MGMT: variants seen among roughly 807,000 people sequenced by gnomAD.
MGMT encodes methylated-DNA--protein-cysteine methyltransferase.
MGMT carries 14 observed loss-of-function variants against 15.9 expected under a neutral mutation model. The observed-to-expected ratio is 0.88, with a 90% CI of 0.58 to 1.37. The LOEUF (loss-of-function observed/expected upper bound fraction) is 1.37. Among genes scored for constraint, MGMT ranks in the 40% most tolerant of loss-of-function variants. MGMT has a pLI of 0.00. For synonymous variants in MGMT, 130 were observed against 118.2 expected (o/e 1.10, Z -0.65); for missense variants, 282 against 268.1 (o/e 1.05, Z -0.36).
intron 2 of MGMT, among the ~76,000 whole-genome samples, chr10:129,598,081 A>G (rs527993859): frequency 1.3e-5 from 2 of 152,212 alleles, no homozygotes; most frequent in African/African-American, 2.4e-5. Flanking sequence ...CACGTATTCA[A>G]TGTTTAGTGT....
In MGMT at chr10:129,770,874, G is replaced by A. The variant is rs148951132; in HGVS notation, c.*3877G>A. 0.017 allele frequency among the ~76,000 whole-genome samples: 767 copies of A among 46,382 alleles called. 6 individuals carry two copies. Among genetic ancestry groups the A allele is most frequent in the African/African-American group, 0.086 (669 of 7,786 alleles). 30.4% of individuals were successfully genotyped at this position (46,382 alleles called of 152,430 possible). Reference sequence around the variant, plus strand: ...CCCCGGAAACAGTCCAAGGCCCTGGGGTGGGGGATTTAAATTTTTGGCTTC... The same window carrying A: ...CCCCGGAAACAGTCCAAGGCCCTGGAGTGGGGGATTTAAATTTTTGGCTTC... On this transcript the variant is annotated 3_prime_UTR_variant, in exon 5 of 5. Coordinates refer to ENST00000651593, the MANE Select transcript of MGMT (RefSeq NM_002412.5).
At chr10:129,702,620 G>A (rs1368968792) in intron 2 of MGMT, among the ~76,000 whole-genome samples, 2 of 152,116 alleles carry the variant, frequency 1.3e-5, no homozygotes, top group East Asian at 3.9e-4. Flanking sequence ...GGACAGGAAG[G>A]GGCTGAGGTA....
chr10:129,557,623 A>G (rs553508293), intron 2 of MGMT, among the ~76,000 whole-genome samples: 1 of 152,166 alleles, frequency 6.6e-6, no homozygotes, highest in African/African-American at 2.4e-5. Flanking sequence ...CTGGATTTTT[A>G]TGTCGGTGTT....
In MGMT at chr10:129,566,072, A is replaced by G. The variant is rs1306638217; in HGVS notation, c.125+29695A>G. 6.6e-6 allele frequency among the ~76,000 whole-genome samples: 1 copy of G among 152,172 alleles called. No individual in the cohort carries two copies. Among genetic ancestry groups the G allele is most frequent in the Non-Finnish European group, 1.5e-5 (1 of 68,024 alleles). ...TGTTCCTTCTTCAGCTCCTCTGGTC[A>G]TTCACACGTGGCCTGGCCACTTGCC... On this transcript the variant is annotated intron_variant, in intron 2 of 4. Transcript: ENST00000651593. This position sits in a 1 kb window ranked among gnomAD's most constrained non-coding sequence, Gnocchi z 4.1.
At chr10:129,582,948 T>C (rs1846573951) in intron 2 of MGMT, among the ~76,000 whole-genome samples, 1 of 152,236 alleles carries the variant, frequency 6.6e-6, no homozygotes, top group South Asian at 2.1e-4. Context: ...TTTTGAGAGA[T>C]GCTTGCACTG....
At chr10:129,682,785 A>T (rs1847866958) in intron 2 of MGMT, among the ~76,000 whole-genome samples, 1 of 152,250 alleles carries the variant, frequency 6.6e-6, no homozygotes, top group African/African-American at 2.4e-5. Flanking sequence ...TGTCACTAAT[A>T]TTTTTCTTGT....
chr10:129,598,347 A>G (rs556517272), intron 2 of MGMT, among the ~76,000 whole-genome samples: 1 of 152,256 alleles, frequency 6.6e-6, no homozygotes, highest in South Asian at 2.1e-4. Flanking sequence ...GGCGGCTTCC[A>G]TCTGTATAAG....
intron 2 of MGMT, among the ~76,000 whole-genome samples, chr10:129,691,012 AG>A (rs1275127772): frequency 6.6e-6 from 1 of 152,162 alleles, no homozygotes; most frequent in East Asian, 1.9e-4. Flanking sequence ...GAGGCTCTGG[AG>A]GTTGTTCAGA....
chr10:129,553,162 C>T (rs2119793412), intron 2 of MGMT, among the ~76,000 whole-genome samples: 1 of 152,268 alleles, frequency 6.6e-6, no homozygotes, highest in East Asian at 1.9e-4. Flanking sequence ...ATCAGTAGAT[C>T]ATTTCTCAGT....
chr10:129,527,388 C>T (rs1047289266), intron 1 of MGMT, among the ~76,000 whole-genome samples: 12 of 152,136 alleles, frequency 7.9e-5, no homozygotes, highest in South Asian at 2.1e-4. Flanking sequence ...TTGAGGCTGG[C>T]GTGTTTGAGT....
At chr10:129,496,559 C>T (rs947288933) in intron 1 of MGMT, among the ~76,000 whole-genome samples, 1 of 152,092 alleles carries the variant, frequency 6.6e-6, no homozygotes, top group African/African-American at 2.4e-5. Flanking sequence ...TTTCCATCTG[C>T]TCTAGGTGGC....
At chr10:129,766,670 TGGCACAGGCCCCTGCTTGGTG>T in intron 4 of MGMT, 97 bp from the exon 5 acceptor site, 1 of 911,134 alleles carries the variant, frequency 1.1e-6, no homozygotes, top group Non-Finnish European at 1.6e-6. Context: ...AGCCTGCCCC[TGGCACAGGCCCCTGCTTGGTG>T]GGCACAGGAC....
At chr10:129,586,010 G>T (rs560079332) in intron 2 of MGMT, among the ~76,000 whole-genome samples, 13 of 152,302 alleles carry the variant, frequency 8.5e-5, no homozygotes, top group Admixed American at 2.6e-4. Flanking sequence ...AGCGACAGAA[G>T]GGCGGGGGTG....
chr10:129,748,635 A>G (rs1356891504), intron 3 of MGMT, among the ~76,000 whole-genome samples: 1 of 152,212 alleles, frequency 6.6e-6, no homozygotes, highest in Non-Finnish European at 1.5e-5. Context: ...CTCAGTTGAC[A>G]GACCACAGAA....
chr10:129,506,277 A>G (rs1845624561), intron 1 of MGMT, among the ~76,000 whole-genome samples: 1 of 152,070 alleles, frequency 6.6e-6, no homozygotes. Context: ...GAACTTGTTT[A>G]AAGCCCAGCT....
At chr10:129,718,377 G>C (rs138895612) in intron 3 of MGMT, among the ~76,000 whole-genome samples, 7 of 152,296 alleles carry the variant, frequency 4.6e-5, no homozygotes, top group African/African-American at 1.7e-4. Flanking sequence ...AAGGGGACTA[G>C]AGAATGGCAC....
intron 2 of MGMT, among the ~76,000 whole-genome samples, chr10:129,588,723 T>C (rs1363559901): frequency 6.6e-6 from 1 of 152,242 alleles, no homozygotes; most frequent in Non-Finnish European, 1.5e-5. Flanking sequence ...CTGTGAAGTG[T>C]GTGTGCCAGC....
chr10:129,632,666 T>C (rs1847223916), intron 2 of MGMT, among the ~76,000 whole-genome samples: 2 of 152,172 alleles, frequency 1.3e-5, no homozygotes, highest in African/African-American at 4.8e-5. Context: ...CCCGATTCTT[T>C]GGTAACTCTG....
intron 2 of MGMT, among the ~76,000 whole-genome samples, chr10:129,684,153 C>A (rs1847881882): frequency 1.3e-5 from 2 of 152,256 alleles, no homozygotes; most frequent in African/African-American, 4.8e-5. Flanking sequence ...CGACAGCTAT[C>A]TAAACCACTT....
Sources: allele counts gnomAD v4.1 joint callset (sites outside exome capture counted in the v4.1 genomes callset), GRCh38; gene constraint gnomAD v4.1.1; non-coding constraint Gnocchi (gnomAD v3.1); transcripts MANE v1.5; gene names NCBI Gene and HGNC (gene_info 2026-07-23, HGNC 2026-07-21).